ANKDD1B: variants seen among roughly 807,000 people sequenced by gnomAD.
The protein encoded by ANKDD1B is ankyrin repeat and death domain-containing protein 1B.
Under a neutral mutation model 59.7 loss-of-function variants are expected in ANKDD1B, and 57 were observed. The observed-to-expected ratio is 0.95, with a 90% confidence interval of 0.77 to 1.19. The LOEUF is 1.19. Ranked by LOEUF, ANKDD1B falls within the 50% of genes most tolerant of loss-of-function variation. ANKDD1B has a pLI of 0.00. For missense variants in ANKDD1B, 602 were observed against 641.9 expected (o/e 0.94, Z 0.67); for synonymous variants, 216 against 239.5 (o/e 0.90, Z 0.91).
chr5:75,614,475 T>A (rs1479366413), intron 1 of ANKDD1B, among the ~76,000 whole-genome samples: 1 of 152,228 alleles, frequency 6.6e-6, no homozygotes, highest in Admixed American at 6.5e-5. Context: ...GCAAAGCCAG[T>A]CAGTGCTTTT....
intron 7 of ANKDD1B, among the ~76,000 whole-genome samples, chr5:75,648,279 AAAAAG>A (rs1250210044): frequency 1.3e-5 from 2 of 149,698 alleles, no homozygotes. Context: ...AAAAAAAAAA[AAAAAG>A]AATTCATGGG....
intron 3 of ANKDD1B, among the ~76,000 whole-genome samples, chr5:75,621,955 A>G (rs1773858435): frequency 6.6e-6 from 1 of 152,234 alleles, no homozygotes; most frequent in South Asian, 2.1e-4. Context: ...TGAAGGTTTC[A>G]CTAAGTTAAA....
At chr5:75,627,505 C>CATTGTAA (rs1225890146) in intron 5 of ANKDD1B, among the ~76,000 whole-genome samples, 1 of 152,168 alleles carries the variant, frequency 6.6e-6, no homozygotes. Context: ...AGGCCAGGCA[C>CATTGTAA]ATTGTAAGTG....
chr5:75,623,469 T>G (rs1218355869), intron 3 of ANKDD1B, among the ~76,000 whole-genome samples: 4 of 152,166 alleles, frequency 2.6e-5, no homozygotes, highest in African/African-American at 9.6e-5. Flanking sequence ...GAACATGTTT[T>G]GAAGAACCTC....
chr5:75,638,307 T>C (rs572776019), intron 7 of ANKDD1B, among the ~76,000 whole-genome samples: 167 of 152,214 alleles, frequency 1.1e-3, no homozygotes, highest in Non-Finnish European at 2.3e-3. Flanking sequence ...TTTCAGATTA[T>C]AATAGGTTTC....
chr5:75,637,698 A>C (rs1464368435), intron 7 of ANKDD1B, among the ~76,000 whole-genome samples: 1 of 152,254 alleles, frequency 6.6e-6, no homozygotes, highest in Non-Finnish European at 1.5e-5. Context: ...AAAGGAAAAA[A>C]TAAGCAAGAT....
chr5:75,620,641 A>G (rs868249216), intron 3 of ANKDD1B, among the ~76,000 whole-genome samples: 39 of 152,168 alleles, frequency 2.6e-4, no homozygotes, highest in Non-Finnish European at 3.8e-4. Context: ...TTATTTTCTC[A>G]TATTGACTTT....
chr5:75,616,998 C>A (rs937142761), intron 2 of ANKDD1B, 91 bp downstream of exon 2: 18 of 613,282 alleles, frequency 2.9e-5, no homozygotes, highest in Non-Finnish European at 4.1e-5. Context: ...AAATAAAAAT[C>A]ATGGTGCTGG....
intron 11 of ANKDD1B, among the ~76,000 whole-genome samples, chr5:75,664,353 C>G (rs1189336865): frequency 6.6e-6 from 1 of 152,228 alleles, no homozygotes; most frequent in Non-Finnish European, 1.5e-5. Context: ...TATATGGATT[C>G]TTTTAAAGGT....
At chr5:75,614,942 T>A (rs1773674315) in intron 1 of ANKDD1B, among the ~76,000 whole-genome samples, 1 of 152,224 alleles carries the variant, frequency 6.6e-6, no homozygotes, top group Non-Finnish European at 1.5e-5. Flanking sequence ...AGTGTTTGCA[T>A]AGAAGTGATT....
intron 7 of ANKDD1B, among the ~76,000 whole-genome samples, chr5:75,641,334 T>G (rs1347712815): frequency 6.6e-6 from 1 of 152,234 alleles, no homozygotes; most frequent in Admixed American, 6.5e-5. Context: ...TGTCTTCAGA[T>G]GGTTTAGTTT....
chr5:75,653,526 C>G (rs1167442454), intron 8 of ANKDD1B, among the ~76,000 whole-genome samples: 3 of 152,128 alleles, frequency 2.0e-5, no homozygotes, highest in Non-Finnish European at 4.4e-5. Context: ...TCTAGAGATG[C>G]CATTACTCTT....
chr5:75,653,238 G>A lies in ANKDD1B; in HGVS notation c.895G>A (p.Glu299Lys), dbSNP rs1229566053. ...GAACGTTGATCTGCACCAGAAAGTG[G>A]AAGTGAGTTTATTCCAATGACACGG... ...SENVDLHQKV[E>K]PKESPLHLVV... Residue 299 changes from glutamate (E) to lysine (K), a missense_variant and splice_region_variant, in exon 8 of 14, where the codon GAA becomes AAA. Physicochemically the swap from Glu to Lys is moderately conservative, Grantham distance 56. Around this residue, in one of 3 missense-constraint regions of ANKDD1B, gnomAD observed 280 missense variants for 319.8 expected, o/e 0.88. Coordinates refer to ENST00000601380, the MANE Select transcript of ANKDD1B (RefSeq NM_001276713.2). 1.3e-6 allele frequency: 2 copies of A among 1,535,546 alleles called. No individual in the cohort carries two copies. Among genetic ancestry groups the A allele is most frequent in the East Asian group, 2.4e-5 (1 of 40,904 alleles).
intron 7 of ANKDD1B, 64 bp downstream of exon 7, chr5:75,635,946 C>A (rs1581139711): frequency 3.8e-6 from 4 of 1,053,296 alleles, no homozygotes; most frequent in East Asian, 2.7e-5. Flanking sequence ...GAATGGCTTT[C>A]AAGAAAAGAG....
intron 7 of ANKDD1B, among the ~76,000 whole-genome samples, chr5:75,642,350 T>C (rs1358113695): frequency 2.0e-5 from 3 of 150,824 alleles, no homozygotes; most frequent in Non-Finnish European, 4.4e-5. Context: ...TTCATCTCAC[T>C]AGGGAGTGCC....
chr5:75,662,308 CTT>C (rs1263971908), intron 10 of ANKDD1B, among the ~76,000 whole-genome samples: 1 of 152,150 alleles, frequency 6.6e-6, no homozygotes, highest in African/African-American at 2.4e-5. Context: ...ATTACTGTCT[CTT>C]TTGATTACAG....
chr5:75,670,224 A>C (rs948999291), intron 13 of ANKDD1B, among the ~76,000 whole-genome samples: 3 of 152,204 alleles, frequency 2.0e-5, no homozygotes, highest in Non-Finnish European at 4.4e-5. Context: ...AAACTTTGCC[A>C]TGAATTATCT....
chr5:75,641,013 G>A (rs898449990), intron 7 of ANKDD1B, among the ~76,000 whole-genome samples: 4 of 152,092 alleles, frequency 2.6e-5, no homozygotes, highest in East Asian at 1.9e-4. Flanking sequence ...ACTAGTGCAC[G>A]CTTGGCTTAT....
intron 11 of ANKDD1B, among the ~76,000 whole-genome samples, chr5:75,664,636 T>C (rs1775260355): frequency 6.6e-6 from 1 of 152,200 alleles, no homozygotes; most frequent in South Asian, 2.1e-4. Flanking sequence ...TCTTTGGAAA[T>C]AGAAATATTC....
Sources: gnomAD v4.1 joint callset for allele counts (sites outside exome capture counted in the v4.1 genomes callset) on GRCh38, gnomAD v4.1.1 for gene constraint, gnomAD v4.1.1 regional missense constraint, MANE v1.5 for transcripts, NCBI Gene and HGNC (gene_info 2026-07-23, HGNC 2026-07-21) for gene names.